The following RIMS2 variants were observed in gnomAD, a reference collection of about 807,000 sequenced individuals.
RIMS2 encodes the protein regulating synaptic membrane exocytosis 2, also known as regulating synaptic membrane exocytosis protein 2.
RIMS2 carries 59 observed loss-of-function variants against 174.4 expected under a neutral mutation model. The observed-to-expected ratio is 0.34, with a 90% confidence interval of 0.27 to 0.42. RIMS2 has a LOEUF of 0.42. RIMS2 is among the 10% of genes least tolerant of loss of function. The pLI is 1.00. For missense variants in RIMS2, 1,620 were observed against 1,666.3 expected, an observed-to-expected ratio of 0.97 and a Z score of 0.48; for synonymous variants, 606 against 572.5, an observed-to-expected ratio of 1.06 and a Z score of -0.84.
intron 2 of RIMS2, among the ~76,000 whole-genome samples, chr8:103,700,840 T>C (rs1323183844): frequency 1.3e-5 from 2 of 152,070 alleles, no homozygotes; most frequent in South Asian, 2.1e-4. Context: ...ATTTAAATTA[T>C]TGTTGTCAAC....
At chr8:104,170,357 G>A (rs1387246395) in intron 19 of RIMS2, among the ~76,000 whole-genome samples, 1 of 151,928 alleles carries the variant, frequency 6.6e-6, no homozygotes, top group African/African-American at 2.4e-5. Context: ...TCCAGCATTA[G>A]GTGCATATAA....
At chr8:103,542,601 A>G (rs1411747981) in intron 1 of RIMS2, among the ~76,000 whole-genome samples, 1 of 152,216 alleles carries the variant, frequency 6.6e-6, no homozygotes, top group African/African-American at 2.4e-5. Flanking sequence ...ATTCTTGATG[A>G]GCATAGATGC....
At position 103,993,348 on chromosome 8, in the gene RIMS2, T is replaced by C. The variant is rs561769077; in HGVS notation, c.3044+3927T>C. Among the ~76,000 whole-genome samples, 6 of 152,200 alleles carry C rather than the reference T, an allele frequency of 3.9e-5. No individual in the cohort carries two copies. The East Asian group carries it at 9.7e-4, about 24-fold the overall frequency. On this transcript the variant is annotated intron_variant, in intron 17 of 23. Coordinates refer to ENST00000504942, the Ensembl canonical transcript of RIMS2. The stretch of plus-strand genomic sequence containing the variant: ...CAAAAGATAAATTACTTTATAAGCT[T>C]TTTTTCTCCTATACATTCAGTTAAT...
intron 1 of RIMS2, among the ~76,000 whole-genome samples, chr8:103,523,868 T>C (rs1287467602): frequency 6.6e-6 from 1 of 152,164 alleles, no homozygotes; most frequent in Non-Finnish European, 1.5e-5. Context: ...TATGGGATAG[T>C]GCTGCTACAT....
At chr8:104,142,363 A>T (rs2133642104) in intron 19 of RIMS2, among the ~76,000 whole-genome samples, 1 of 152,144 alleles carries the variant, frequency 6.6e-6, no homozygotes, top group Non-Finnish European at 1.5e-5. Context: ...TTCTCACCCC[A>T]GGTGGTCCAC....
chr8:103,795,585 T>G (rs891254102), intron 3 of RIMS2, among the ~76,000 whole-genome samples: 23 of 151,812 alleles, frequency 1.5e-4, no homozygotes, highest in Non-Finnish European at 2.5e-4. Flanking sequence ...ATAATAATAA[T>G]GATGAAAAAT....
chr8:103,533,196 A>C, intron 1 of RIMS2, among the ~76,000 whole-genome samples: 1 of 152,234 alleles, frequency 6.6e-6, no homozygotes, highest in Admixed American at 6.5e-5. Context: ...TTAGTTAATT[A>C]AATCATATTT....
intron 19 of RIMS2, among the ~76,000 whole-genome samples, chr8:104,143,147 A>T (rs1365677365): frequency 6.6e-6 from 1 of 152,246 alleles, no homozygotes; most frequent in East Asian, 1.9e-4. Flanking sequence ...ACTATGTCAT[A>T]TCATTTTTGT....
At chr8:103,595,039 T>C (rs766815216) in intron 1 of RIMS2, among the ~76,000 whole-genome samples, 20 of 151,826 alleles carry the variant, frequency 1.3e-4, no homozygotes, top group Non-Finnish European at 2.9e-4. Flanking sequence ...TAGATGACCA[T>C]GTCACATAAA....
chr8:103,583,473 A>G (rs2093730634), intron 1 of RIMS2, among the ~76,000 whole-genome samples: 1 of 152,210 alleles, frequency 6.6e-6, no homozygotes, highest in South Asian at 2.1e-4. Context: ...CTGGAGAAAT[A>G]TATGTGACAT....
chr8:103,990,841 T>C lies in RIMS2; in HGVS notation c.3044+1420T>C, dbSNP rs556872219. On this transcript the variant is annotated intron_variant, in intron 17 of 23. Coordinates refer to ENST00000504942, the Ensembl canonical transcript of RIMS2. The stretch of plus-strand genomic sequence containing the variant: ...TTTATTTTAATGAAAAAATGGACTT[T>C]GTTTTCTTTAAGACAAATAAATGCT... Among the ~76,000 whole-genome samples, 11 of 152,114 alleles carry C rather than the reference T, an allele frequency of 7.2e-5. No homozygotes were observed. In the South Asian group the frequency reaches 2.3e-3, roughly 32 times the overall value.
At chr8:104,064,942 C>A (rs74729620) in intron 19 of RIMS2, among the ~76,000 whole-genome samples, 1 of 152,072 alleles carries the variant, frequency 6.6e-6, no homozygotes, top group East Asian at 1.9e-4. Flanking sequence ...CCATATCAAA[C>A]CACTAAGAAG....
intron 3 of RIMS2, among the ~76,000 whole-genome samples, chr8:103,875,515 A>T (rs925581052): frequency 3.3e-5 from 5 of 152,080 alleles, no homozygotes; most frequent in Non-Finnish European, 7.4e-5. Context: ...TCATCAGATG[A>T]TGGGCACTTA....
At chr8:103,933,363 G>T (rs893816266) in intron 12 of RIMS2, among the ~76,000 whole-genome samples, 1 of 145,186 alleles carries the variant, frequency 6.9e-6, no homozygotes, top group Non-Finnish European at 1.5e-5. Context: ...GCAGGTGCCT[G>T]TAATCCCAGC....
Position 103,606,488 on chromosome 8 carries a change from G to A in RIMS2, c.177-90598G>A, listed in dbSNP as rs1361211958. Among the ~76,000 whole-genome samples, 7 of 152,164 alleles carry A rather than the reference G, an allele frequency of 4.6e-5. No individual in the cohort carries two copies. The South Asian group carries it at 1.5e-3, about 32-fold the overall frequency. The stretch of plus-strand genomic sequence containing the variant: ...AAAATGTATATTCTGTTGATTTGTG[G>A]TGGAGAGTTCTGTAGATGTCTATTA... On this transcript the variant is annotated intron_variant, in intron 1 of 23. Coordinates refer to ENST00000504942, the Ensembl canonical transcript of RIMS2.
chr8:103,630,848 T>C (rs1342342527), intron 1 of RIMS2, among the ~76,000 whole-genome samples: 2 of 151,952 alleles, frequency 1.3e-5, no homozygotes, highest in Non-Finnish European at 2.9e-5. Flanking sequence ...GCCCAAAATA[T>C]CATTCTAATG....
chr8:103,612,010 T>C (rs938894031), intron 1 of RIMS2, among the ~76,000 whole-genome samples: 1 of 152,204 alleles, frequency 6.6e-6, no homozygotes, highest in African/African-American at 2.4e-5. Context: ...TATTTTCAAA[T>C]AGCTGTCTTC....
intron 3 of RIMS2, among the ~76,000 whole-genome samples, chr8:103,787,831 G>A (rs567287804): frequency 3.0e-4 from 45 of 152,140 alleles, no homozygotes; most frequent in African/African-American, 8.2e-4. Flanking sequence ...TTGCTAGATC[G>A]GGGAAGTTCT....
intron 2 of RIMS2, among the ~76,000 whole-genome samples, chr8:103,729,542 G>A (rs1330206608): frequency 1.3e-5 from 2 of 151,376 alleles, no homozygotes; most frequent in Non-Finnish European, 2.9e-5. Context: ...TTGATCTTTT[G>A]TATTTTTTCA....
Sources: gnomAD v4.1 joint callset for allele counts (sites outside exome capture counted in the v4.1 genomes callset) on GRCh38, gnomAD v4.1.1 for gene constraint, MANE v1.5 for transcripts, NCBI Gene and HGNC (gene_info 2026-07-23, HGNC 2026-07-21) for gene names.